The following ANKRD11 variants were observed in gnomAD, a reference collection of about 807,000 sequenced individuals.
ANKRD11 encodes ankyrin repeat domain-containing protein 11.
Under a neutral mutation model 195.7 loss-of-function variants are expected in ANKRD11, and 17 were observed. That is an observed-to-expected ratio of 0.09 (90% confidence interval 0.06 to 0.13). The LOEUF (loss-of-function observed/expected upper bound fraction) is 0.13. Ranked by LOEUF, ANKRD11 falls within the 10% of genes least tolerant of loss-of-function variation. The pLI, the probability that ANKRD11 is intolerant of heterozygous loss-of-function variation, is 1.00. For synonymous variants in ANKRD11, 1,953 were observed against 1,528.1 expected (o/e 1.28, Z -6.49); for missense variants, 3,735 against 3,566.1 (o/e 1.05, Z -1.21).
At chr16:89,359,850 G>A (rs933286880) in intron 2 of ANKRD11, among the ~76,000 whole-genome samples, 1 of 152,086 alleles carries the variant, frequency 6.6e-6, no homozygotes, top group Non-Finnish European at 1.5e-5. Flanking sequence ...AAAACCCTAA[G>A]AACAGAGAGT....
In ANKRD11 at chr16:89,290,290, A is replaced by AAT. The variant is rs1296607141; in HGVS notation, c.601+334_601+335insAT. Among the ~76,000 whole-genome samples, 3 of 96,380 alleles carry AAT rather than the reference A, an allele frequency of 3.1e-5. 1 individual carries two copies. The highest frequency in any genetic ancestry group is 1.2e-4 in the African/African-American group (3 of 24,694). The allele number at this position is 96,380 out of a possible 152,430, so 63.2% of individuals were successfully genotyped here. A position where few individuals can be genotyped will look rare whatever the true frequency, so the allele number is the denominator to read the frequency against. On this transcript the variant is annotated intron_variant, in intron 6 of 12. Transcript: ENST00000301030. ...CCAATGGGGGTAGGCTCAGGGCTCC[A>AAT]GCCGGGGGAGGCTCAGGGCTCCAAT...
At chr16:89,341,475 C>A (rs1597713415) in intron 2 of ANKRD11, among the ~76,000 whole-genome samples, 1 of 152,206 alleles carries the variant, frequency 6.6e-6, no homozygotes, top group East Asian at 1.9e-4. Context: ...CCTGTGTGGG[C>A]TGCTGGGCTC....
rs1286796200 is a variant in ANKRD11 at position 89,286,846 on chromosome 16, C to T, written c.745-660G>A. ...GCCCAGAACAGCAATGCACTGAACTCAAGTACAAATTAAATTTAATCCCAA... is the reference window on the plus strand; with the variant it reads ...GCCCAGAACAGCAATGCACTGAACTTAAGTACAAATTAAATTTAATCCCAA... On this transcript the variant is annotated intron_variant, in intron 7 of 12. Coordinates refer to ENST00000301030, the MANE Select transcript of ANKRD11 (RefSeq NM_013275.6). 4 of 1,287,544 alleles carry T rather than the reference C, an allele frequency of 3.1e-6. No homozygotes were observed. In the East Asian group the frequency reaches 2.2e-4, roughly 71 times the overall value. 79.8% of individuals were successfully genotyped at this position (1,287,544 alleles called of 1,614,324 possible).
In ANKRD11 at chr16:89,317,206, C is replaced by T. The variant is rs113001781; in HGVS notation, c.-59-128G>A. The T allele has an allele frequency of 3.4e-3, 2,493 of 725,900 alleles. 33 individuals carry two copies. In the African/African-American group the frequency reaches 0.035, roughly 10 times the overall value. 45.0% of individuals were successfully genotyped at this position (725,900 alleles called of 1,614,324 possible). On this transcript the variant is annotated intron_variant, in intron 2 of 12. Transcript: ENST00000301030. ...AGCTGCTCTGATCAGGGCTGGGGCC[C>T]GGGCCAGGCCCAGGAAGGGACTTCT...
In ANKRD11 at chr16:89,434,490, C is replaced by T. The variant is rs1231529291; in HGVS notation, c.-144-16122G>A. ...TCGCTGCAGCCAGGAGGAGCAGCAC[C>T]GCGCAGTCCTGTGCCTCACCCCTGC... On this transcript the variant is annotated intron_variant, in intron 1 of 12. Transcript: ENST00000301030. Among the ~76,000 whole-genome samples the T allele has an allele frequency of 2.6e-5, 4 of 152,310 alleles. No homozygotes were observed. In the South Asian group the frequency reaches 6.2e-4, roughly 24 times the overall value.
intron 2 of ANKRD11, among the ~76,000 whole-genome samples, chr16:89,330,823 G>T (rs1263326451): frequency 6.6e-6 from 1 of 152,180 alleles, no homozygotes; most frequent in Non-Finnish European, 1.5e-5. Flanking sequence ...GCAGATCAAA[G>T]ATTCTGTGGA....
chr16:89,323,171 G>A (rs1457648112), intron 2 of ANKRD11: 21 of 489,156 alleles, frequency 4.3e-5, no homozygotes, highest in Middle Eastern at 3.8e-4. Flanking sequence ...GTCAGGAGTG[G>A]TGCCTTGTGC....
chr16:89,473,193 G>T (rs773176553), intron 1 of ANKRD11, among the ~76,000 whole-genome samples: 21 of 151,456 alleles, frequency 1.4e-4, no homozygotes, highest in Non-Finnish European at 2.2e-4. Flanking sequence ...AAAAAAAAAG[G>T]ATCATTGGGA....
At chr16:89,405,629 C>G (rs1222478147) in intron 2 of ANKRD11, among the ~76,000 whole-genome samples, 3 of 152,002 alleles carry the variant, frequency 2.0e-5, no homozygotes, top group African/African-American at 4.8e-5. Context: ...CCGCCATGCC[C>G]GGCTTTCTAG....
chr16:89,288,762 G>C (rs911540019), intron 6 of ANKRD11, 92 bp from the exon 7 acceptor site: 1 of 1,589,394 alleles, frequency 6.3e-7, no homozygotes, highest in South Asian at 1.1e-5. Context: ...GCTACAGTGC[G>C]GGGACAAGCC....
intron 1 of ANKRD11, among the ~76,000 whole-genome samples, chr16:89,419,218 G>A (rs961360153): frequency 1.4e-4 from 22 of 152,044 alleles, no homozygotes; most frequent in African/African-American, 3.1e-4. Context: ...TTGGGAGGCC[G>A]AGGTGGGCGG....
rs961134176 is a variant in ANKRD11 at position 89,268,513 on chromosome 16, C to G, written c.7957G>C (p.Asp2653His). The G allele has an allele frequency of 7.0e-7, 1 of 1,426,970 alleles. No homozygotes were observed. The highest frequency in any genetic ancestry group is 9.6e-7 in the Non-Finnish European group (1 of 1,039,674). 88.4% of individuals were successfully genotyped at this position (1,426,970 alleles called of 1,614,324 possible). The change falls in exon 13 of 13, where the codon GAC (aspartate) becomes CAC (histidine). Residue 2653 changes from aspartate to histidine, a missense_variant. Asp to His is a moderately conservative substitution (Grantham distance 81, BLOSUM62 -1). Coordinates refer to ENST00000301030, the MANE Select transcript of ANKRD11 (RefSeq NM_013275.6). ...EVPSFYVPMV[D>H]VNDDFVLLPA ...AACAATACAAAGTCGTCGTTGACGTCGACCATGGGCACGTAGAAGGAGGGC... is the reference window on the plus strand; with the variant it reads ...AACAATACAAAGTCGTCGTTGACGTGGACCATGGGCACGTAGAAGGAGGGC...
rs755035713 is a variant in ANKRD11 at position 89,281,760 on chromosome 16, G to A, written c.4782C>T (p.Ile1594=). The A allele has an allele frequency of 1.4e-5, 22 of 1,613,780 alleles. No individual in the cohort carries two copies. Among genetic ancestry groups the A allele is most frequent in the African/African-American group, 1.1e-4 (8 of 74,822 alleles). Residue 1594 remains isoleucine, a synonymous_variant, in exon 9 of 13, where the codon ATC becomes ATT. Coordinates refer to ENST00000301030, the MANE Select transcript of ANKRD11 (RefSeq NM_013275.6). The surrounding 1 kb of genome is among the most constrained non-coding windows in gnomAD (Gnocchi z 5.5). The part of the protein sequence containing the change: ...ERMLSQKDLE[I]EERHKRHKER... ...CCTTGTGCCGCTTGTGGCGCTCCTC[G>A]ATCTCCAGGTCCTTCTGGGACAGCA... is the stretch of plus-strand genomic sequence containing the variant.
At chr16:89,357,861 C>A (rs2039557814) in intron 2 of ANKRD11, among the ~76,000 whole-genome samples, 1 of 152,252 alleles carries the variant, frequency 6.6e-6, no homozygotes, top group African/African-American at 2.4e-5. Flanking sequence ...AGGGTGCTGG[C>A]TGCCCCTTTC....
At chr16:89,418,765 C>T (rs914029585) in intron 1 of ANKRD11, among the ~76,000 whole-genome samples, 1 of 150,860 alleles carries the variant, frequency 6.6e-6, no homozygotes, top group Non-Finnish European at 1.5e-5. Flanking sequence ...TTTTAAAAGG[C>T]CTTTTTTTTT....
At chr16:89,403,313 C>A (rs554654710) in intron 2 of ANKRD11, among the ~76,000 whole-genome samples, 3 of 152,192 alleles carry the variant, frequency 2.0e-5, no homozygotes, top group South Asian at 2.1e-4. Context: ...CTGCTCCCCC[C>A]TCCTGACCGG....
rs149834477 is a variant in ANKRD11 at position 89,280,046 on chromosome 16, T to C, written c.6496A>G (p.Met2166Val). The C allele has an allele frequency of 6.8e-6, 11 of 1,612,778 alleles. No individual in the cohort carries two copies. The African/African-American group carries it at 1.2e-4, about 18-fold the overall frequency. ...ATGACCCCGGGGGCCCCTGGAGGCA[T>C]CTCTTCTGGAGGAGCAAGACTTTCT... ...VEESLAPPEE[M>V]PPGAPGVING... Residue 2166 changes from methionine to valine, a missense_variant, in exon 9 of 13, where the codon ATG becomes GTG. Coordinates refer to ENST00000301030, the MANE Select transcript of ANKRD11 (RefSeq NM_013275.6).
At chr16:89,477,705 G>A (rs1231166707) in intron 1 of ANKRD11, among the ~76,000 whole-genome samples, 1 of 151,016 alleles carries the variant, frequency 6.6e-6, no homozygotes, top group African/African-American at 2.4e-5. Context: ...GGGCGCGGTG[G>A]CTCATGCCTG....
chr16:89,413,994 T>G (rs1167151313), intron 2 of ANKRD11, among the ~76,000 whole-genome samples: 1 of 152,020 alleles, frequency 6.6e-6, no homozygotes, highest in Non-Finnish European at 1.5e-5. Flanking sequence ...CGGCTCTGGC[T>G]GAGCTGACTT....
Sources: allele counts gnomAD v4.1 joint callset (sites outside exome capture counted in the v4.1 genomes callset), GRCh38; gene constraint gnomAD v4.1.1; non-coding constraint Gnocchi (gnomAD v3.1); transcripts MANE v1.5; gene names NCBI Gene and HGNC (gene_info 2026-07-23, HGNC 2026-07-21).